The following KCTD18 variants were observed in gnomAD, a reference collection of about 807,000 sequenced individuals.
KCTD18 encodes BTB/POZ domain-containing protein KCTD18.
Under a neutral mutation model 30.4 loss-of-function variants are expected in KCTD18, and 22 were observed. The ratio of observed to expected loss-of-function variants is 0.72; its 90% CI spans 0.52 to 1.03. KCTD18 has a LOEUF of 1.03. KCTD18 is among the 50% of genes least tolerant of loss of function. The pLI is 0.00. For synonymous variants in KCTD18, 186 were observed against 209.0 expected (o/e 0.89, Z 0.95); for missense variants, 529 against 547.6 (o/e 0.97, Z 0.34).
intron 3 of KCTD18, among the ~76,000 whole-genome samples, chr2:200,499,816 G>A (rs959241237): frequency 3.3e-4 from 49 of 150,136 alleles, no homozygotes; most frequent in Non-Finnish European, 4.1e-4. Flanking sequence ...GCTGGGCAGA[G>A]ACACAACCAA....
intron 5 of KCTD18, among the ~76,000 whole-genome samples, chr2:200,493,901 C>A (rs2087960193): frequency 6.6e-6 from 1 of 152,180 alleles, no homozygotes; most frequent in African/African-American, 2.4e-5. Context: ...ACTTTGTGAA[C>A]TACTCTGAAA....
At chr2:200,492,050 G>C (rs1454740824) in intron 6 of KCTD18, among the ~76,000 whole-genome samples, 1 of 152,128 alleles carries the variant, frequency 6.6e-6, no homozygotes, top group East Asian at 1.9e-4. Flanking sequence ...CAAAAATAAT[G>C]CTTCGTAAAC....
At chr2:200,507,989 A>G (rs1298235496) in intron 1 of KCTD18, among the ~76,000 whole-genome samples, 1 of 152,164 alleles carries the variant, frequency 6.6e-6, no homozygotes, top group Admixed American at 6.5e-5. Context: ...TCAGAATTCT[A>G]TGTAGACCAG....
Position 200,509,161 on chromosome 2 carries a change from G to A in KCTD18, c.-76+467C>T, listed in dbSNP as rs188660630. 3.7e-4 allele frequency among the ~76,000 whole-genome samples: 56 copies of A among 152,210 alleles called. No individual in the cohort carries two copies. The East Asian group carries it at 9.5e-3, about 26-fold the overall frequency. The stretch of plus-strand genomic sequence containing the variant: ...AATTCACACAAAAACTCTATTGGAT[G>A]GGAATTACTGTCCCTGTTGACAGAT... On this transcript the variant is annotated intron_variant, in intron 1 of 6. Coordinates refer to ENST00000359878, the MANE Select transcript of KCTD18 (RefSeq NM_152387.4).
intron 5 of KCTD18, chr2:200,496,656 G>A (rs13426833): frequency 0.035 from 5,271 of 152,046 alleles, 292 homozygotes; most frequent in African/African-American, 0.12. Flanking sequence ...CACCATGCCC[G>A]GCTAATTTTT....
intron 6 of KCTD18, among the ~76,000 whole-genome samples, chr2:200,491,067 A>C (rs2087908599): frequency 6.6e-6 from 1 of 152,190 alleles, no homozygotes; most frequent in African/African-American, 2.4e-5. Flanking sequence ...GTCCCCCCCG[A>C]AGCTCATGTT....
rs942764917 is a variant in KCTD18, at chr2:200,489,966, A to G, written c.*134T>C. 26 of 945,922 alleles carry G rather than the reference A, an allele frequency of 2.7e-5. No homozygotes were observed. The Admixed American group carries it at 4.0e-4, about 15-fold the overall frequency. The allele number at this position is 945,922 out of a possible 1,614,324, so 58.6% of individuals were successfully genotyped here. A position where few individuals can be genotyped will look rare whatever the true frequency, so the allele number is the denominator to read the frequency against. On this transcript the variant is annotated 3_prime_UTR_variant, in exon 7 of 7. Transcript: ENST00000359878. ...CTCCCCTCCTCCATTCCTAGCTCAC[A>G]CAATTCCAGGAACAGAATCCTCAAC... is the stretch of plus-strand genomic sequence containing the variant.
At chr2:200,509,113 G>C (rs1474507706) in intron 1 of KCTD18, among the ~76,000 whole-genome samples, 1 of 152,110 alleles carries the variant, frequency 6.6e-6, no homozygotes, top group African/African-American at 2.4e-5. Context: ...GCCATTGTAA[G>C]AGACACTTGA....
intron 3 of KCTD18, among the ~76,000 whole-genome samples, chr2:200,502,478 CA>C (rs777966308): frequency 3.9e-5 from 6 of 152,082 alleles, no homozygotes; most frequent in Non-Finnish European, 8.8e-5. Context: ...ATGGACTAAC[CA>C]GATTGATTTT....
chr2:200,497,580 C>T, intron 5 of KCTD18, 173 bp downstream of exon 5: 1 of 576,792 alleles, frequency 1.7e-6, no homozygotes, highest in African/African-American at 1.9e-5. Context: ...TCTAGCAACT[C>T]ATGGGATTTA....
chr2:200,507,963 C>T (rs964253599), intron 1 of KCTD18, among the ~76,000 whole-genome samples: 1 of 152,090 alleles, frequency 6.6e-6, no homozygotes, highest in African/African-American at 2.4e-5. Context: ...CATGAGCCAC[C>T]ACGCCCAGCC....
intron 3 of KCTD18, 27 bp from the exon 4 acceptor site, chr2:200,499,111 T>A (rs746717125): frequency 6.6e-7 from 1 of 1,503,914 alleles, no homozygotes; most frequent in Non-Finnish European, 9.0e-7. Context: ...ATATAAAATT[T>A]GAATTTAATT....
intron 6 of KCTD18, among the ~76,000 whole-genome samples, chr2:200,490,896 T>C (rs1438513576): frequency 6.6e-6 from 1 of 152,154 alleles, no homozygotes; most frequent in Non-Finnish European, 1.5e-5. Context: ...ATACAATATA[T>C]CACCCTGTTC....
At chr2:200,508,317 T>C (rs767392693) in intron 1 of KCTD18, among the ~76,000 whole-genome samples, 24 of 152,306 alleles carry the variant, frequency 1.6e-4, no homozygotes, top group Non-Finnish European at 3.4e-4. Context: ...CTCCAACTCC[T>C]GACCTCAGGT....
intron 1 of KCTD18, among the ~76,000 whole-genome samples, chr2:200,508,500 T>A (rs1440298728): frequency 6.6e-6 from 1 of 152,180 alleles, no homozygotes; most frequent in African/African-American, 2.4e-5. Context: ...AAAAAGGTAC[T>A]CCCAATTATT....
At chr2:200,497,880 C>T in intron 4 of KCTD18, 33 bp from the exon 5 acceptor site, 1 of 1,413,756 alleles carries the variant, frequency 7.1e-7, no homozygotes, top group Non-Finnish European at 1.0e-6. Context: ...TGAAAATATA[C>T]TACCTAGGTA....
intron 6 of KCTD18, among the ~76,000 whole-genome samples, chr2:200,492,532 G>A (rs1203029351): frequency 6.6e-6 from 1 of 152,148 alleles, no homozygotes; most frequent in African/African-American, 2.4e-5. Context: ...AAGACCCAGA[G>A]GGCAAATGTA....
chr2:200,504,142 C>T (rs1209379760), intron 3 of KCTD18, among the ~76,000 whole-genome samples: 1 of 152,168 alleles, frequency 6.6e-6, no homozygotes, highest in East Asian at 1.9e-4. Flanking sequence ...TATGCCCTCA[C>T]ATAGTATAGT....
intron 3 of KCTD18, among the ~76,000 whole-genome samples, chr2:200,499,824 C>T: frequency 6.7e-6 from 1 of 149,082 alleles, no homozygotes; most frequent in Non-Finnish European, 1.5e-5. Context: ...GAGACACAAC[C>T]AAAAAAGAGA....
Sources: gnomAD v4.1 joint callset for allele counts (sites outside exome capture counted in the v4.1 genomes callset) on GRCh38, gnomAD v4.1.1 for gene constraint, MANE v1.5 for transcripts, NCBI Gene and HGNC (gene_info 2026-07-23, HGNC 2026-07-21) for gene names.